The following PARVB variants were observed in gnomAD, a reference collection of about 807,000 sequenced individuals.
PARVB encodes beta-parvin.
PARVB carries 46 observed loss-of-function variants against 47.0 expected under a neutral mutation model. The ratio of observed to expected loss-of-function variants is 0.98; its 90% confidence interval spans 0.77 to 1.25. PARVB has a LOEUF of 1.25. Ranked by LOEUF, PARVB falls within the 50% of genes most tolerant of loss-of-function variation. The probability of loss-of-function intolerance (pLI) is 0.00; values close to 1 mark genes in which losing one functional copy is unlikely to be tolerated. For missense variants in PARVB, 473 were observed against 471.6 expected, an observed-to-expected ratio of 1.00 and a Z score of -0.03; for synonymous variants, 196 against 196.3, an observed-to-expected ratio of 1.00 and a Z score of 0.01.
At chr22:44,158,214 A>G in intron 11 of PARVB, 131 bp downstream of exon 11, 1 of 623,208 alleles carries the variant, frequency 1.6e-6, no homozygotes, top group Non-Finnish European at 2.9e-6. Flanking sequence ...CACAAGTGAT[A>G]TTGCAATTAG....
intron 3 of PARVB, 50 bp from the exon 4 acceptor site, chr22:44,118,988 A>G (rs1193004114): frequency 7.7e-7 from 1 of 1,293,494 alleles, no homozygotes; most frequent in Non-Finnish European, 1.1e-6. Context: ...TCACTGCCTC[A>G]TTGCCGTGGC....
At chr22:44,093,584 T>C (rs918191214) in intron 1 of PARVB, among the ~76,000 whole-genome samples, 3 of 152,228 alleles carry the variant, frequency 2.0e-5, no homozygotes, top group Non-Finnish European at 4.4e-5. Context: ...CCCATCGCTG[T>C]GGTCCATGCT....
intron 3 of PARVB, chr22:44,109,421 C>T (rs2052640418): frequency 6.6e-6 from 1 of 152,230 alleles, no homozygotes; most frequent in African/African-American, 2.4e-5. Flanking sequence ...TAATGTATGT[C>T]CTAGACATCT....
At chr22:44,041,908 C>A (rs189768193) in intron 1 of PARVB, among the ~76,000 whole-genome samples, 187 of 151,480 alleles carry the variant, frequency 1.2e-3, no homozygotes, top group African/African-American at 4.2e-3. Context: ...TAAATAAATA[C>A]ATACATACAT....
intron 1 of PARVB, among the ~76,000 whole-genome samples, chr22:44,027,166 A>G (rs1229594992): frequency 6.6e-6 from 1 of 152,104 alleles, no homozygotes; most frequent in East Asian, 1.9e-4. Context: ...TCCCCACAGA[A>G]GCTCTGGGGA....
At position 44,052,678 on chromosome 22, in the gene PARVB, C is replaced by T. The variant is rs569036008; in HGVS notation, c.112+28227C>T. 2.6e-5 allele frequency among the ~76,000 whole-genome samples: 4 copies of T among 152,316 alleles called. No homozygotes were observed. In the South Asian group the frequency reaches 8.3e-4, roughly 32 times the overall value. On this transcript the variant is annotated intron_variant, in intron 1 of 12. Transcript: ENST00000338758. Reference sequence around the variant, plus strand: ...AGGTGGGGGGCTGGGTGTGGTGGCTCATGCCTGTAATCCCAGCACTTTGGG... The same window carrying T: ...AGGTGGGGGGCTGGGTGTGGTGGCTTATGCCTGTAATCCCAGCACTTTGGG...
At position 44,157,971 on chromosome 22, in the gene PARVB, T is replaced by C; in HGVS notation, c.844-11T>C. ...ACCCTGCCCGGAAACATCACAAGTC[T>C]TTCTCTGCAGTTTGCAGATGGCGTG... On this transcript the variant is annotated splice_polypyrimidine_tract_variant and intron_variant, in intron 10 of 12. Transcript: ENST00000338758. The C allele has an allele frequency of 6.2e-7, 1 of 1,601,102 alleles. No individual in the cohort carries two copies.
intron 10 of PARVB, among the ~76,000 whole-genome samples, chr22:44,156,894 T>A (rs2053947558): frequency 6.6e-6 from 1 of 151,854 alleles, no homozygotes; most frequent in Admixed American, 6.6e-5. Context: ...AATAGAGAAT[T>A]GGGGGACAGA....
At chr22:44,058,236 C>G (rs2051351384) in intron 1 of PARVB, among the ~76,000 whole-genome samples, 1 of 152,186 alleles carries the variant, frequency 6.6e-6, no homozygotes, top group African/African-American at 2.4e-5. Flanking sequence ...CTTGCTCCAT[C>G]TAAAGTCTCC....
At chr22:44,031,873 C>T (rs1156231616) in intron 1 of PARVB, among the ~76,000 whole-genome samples, 10 of 152,070 alleles carry the variant, frequency 6.6e-5, no homozygotes, top group South Asian at 2.1e-4. Flanking sequence ...GTACCTTTAC[C>T]GAGCTGTTTT....
intron 1 of PARVB, among the ~76,000 whole-genome samples, chr22:44,066,625 G>A (rs1056284581): frequency 1.3e-5 from 2 of 152,146 alleles, no homozygotes; most frequent in South Asian, 2.1e-4. Context: ...ATCCTGATAC[G>A]CACCCTGTAT....
chr22:44,039,668 C>T (rs1037389925), intron 1 of PARVB, among the ~76,000 whole-genome samples: 4 of 152,086 alleles, frequency 2.6e-5, no homozygotes, highest in Non-Finnish European at 4.4e-5. Context: ...TGAATGGATA[C>T]ACGGACAGCA....
upstream of PARVB, among the ~76,000 whole-genome samples, chr22:44,019,676 A>G (rs1569053700): frequency 6.6e-6 from 1 of 152,212 alleles, no homozygotes; most frequent in Non-Finnish European, 1.5e-5. Flanking sequence ...ACAGGGCAAG[A>G]GAGGAAGCAA....
Position 44,130,843 on chromosome 22 carries a change from A to G in PARVB, c.377-644A>G, listed in dbSNP as rs900069567. On this transcript the variant is annotated intron_variant, in intron 4 of 12. Transcript: ENST00000338758. ...TCCCGAGTATAACACCCACAGTTTTATCCTTAACTATTCTTCCCTTTTCAA... is the reference window on the plus strand; with the variant it reads ...TCCCGAGTATAACACCCACAGTTTTGTCCTTAACTATTCTTCCCTTTTCAA... Among the ~76,000 whole-genome samples, 27 of 152,130 alleles carry G rather than the reference A, an allele frequency of 1.8e-4. 1 individual carries two copies. Among genetic ancestry groups the G allele is most frequent in the African/African-American group, 6.5e-4 (27 of 41,472 alleles).
At chr22:44,087,583 C>T (rs2052054081) in intron 1 of PARVB, among the ~76,000 whole-genome samples, 1 of 152,090 alleles carries the variant, frequency 6.6e-6, no homozygotes, top group African/African-American at 2.4e-5. Context: ...GTTCTTTAAA[C>T]CAGCTTGCTT....
intron 1 of PARVB, among the ~76,000 whole-genome samples, chr22:44,043,580 T>C (rs757296280): frequency 6.6e-6 from 1 of 152,176 alleles, no homozygotes; most frequent in African/African-American, 2.4e-5. Context: ...GGTTTCACCA[T>C]GTTGGCCAGG....
At chr22:44,142,404 A>T (rs1410666377) in intron 8 of PARVB, 2 of 144,186 alleles carry the variant, frequency 1.4e-5, no homozygotes, top group Non-Finnish European at 3.0e-5. Flanking sequence ...AAAAAAAAAA[A>T]AAAAAAAAAA....
intron 1 of PARVB, among the ~76,000 whole-genome samples, chr22:44,066,780 T>TCTTCTCCTCCTCCTCCTCCTTCTC (rs752513022): frequency 2.1e-5 from 1 of 48,080 alleles, no homozygotes; most frequent in African/African-American, 9.5e-5. Context: ...CTTAATTATT[T>TCTTCTCCTCCTCCTCCTCCTTCTC]CTCCTCCTCC....
At position 44,119,145 on chromosome 22, in the gene PARVB, GT is replaced by G; in HGVS notation, c.376+7del. On this transcript the variant is annotated splice_donor_region_variant and intron_variant, in intron 4 of 12. Transcript: ENST00000338758. ...AGGTGCTGCAGAAGCTCTTGGGTGAGTTCACAGCAGGGACAGCTCTGTCCCA... is the reference window on the plus strand; with the variant it reads ...AGGTGCTGCAGAAGCTCTTGGGTGAGTCACAGCAGGGACAGCTCTGTCCCA... The G allele has an allele frequency of 6.3e-7, 1 of 1,599,518 alleles. No individual in the cohort carries two copies. Among genetic ancestry groups the G allele is most frequent in the Non-Finnish European group, 8.6e-7 (1 of 1,166,764 alleles).
Sources: gnomAD v4.1 joint callset for allele counts (sites outside exome capture counted in the v4.1 genomes callset) on GRCh38, gnomAD v4.1.1 for gene constraint, MANE v1.5 for transcripts, NCBI Gene and HGNC (gene_info 2026-07-23, HGNC 2026-07-21) for gene names.